Variants in LMNTD2 observed in about 807,000 individuals in gnomAD.
LMNTD2 encodes lamin tail domain-containing protein 2.
LMNTD2 carries 83 observed loss-of-function variants against 70.1 expected under a neutral mutation model. The observed-to-expected ratio is 1.18, with a 90% CI of 0.99 to 1.42. The LOEUF (loss-of-function observed/expected upper bound fraction) is 1.42, where lower values mean the gene tolerates loss of function less well. Among genes scored for constraint, LMNTD2 ranks in the 40% most tolerant of loss-of-function variants. The probability of loss-of-function intolerance (pLI) is 0.00; values close to 1 mark genes in which losing one functional copy is unlikely to be tolerated. For missense variants in LMNTD2, 1,153 were observed against 905.9 expected (o/e 1.27, Z -3.50); for synonymous variants, 534 against 406.1 (o/e 1.31, Z -3.79).
At position 558,847 on chromosome 11, in the gene LMNTD2, C is replaced by T. The variant is rs764393610; in HGVS notation, c.158+9G>A. The T allele has an allele frequency of 5.6e-6, 9 of 1,599,262 alleles. No homozygotes were observed. Among genetic ancestry groups the T allele is most frequent in the South Asian group, 1.1e-5 (1 of 90,648 alleles). On this transcript the variant is annotated intron_variant, in intron 2 of 13. Transcript: ENST00000329451. ...CAGGAGGCTCACCAGTCCTCCCTCT[C>T]CTCCTTACTGCGGGTCGGCAGAGCA...
chr11:555,564 C>G (rs1002404372), intron 12 of LMNTD2, 61 bp from the exon 13 acceptor site: 10 of 1,310,798 alleles, frequency 7.6e-6, no homozygotes, highest in Middle Eastern at 2.8e-4. Flanking sequence ...CTAGAGGGCT[C>G]CGCGCCTGGG....
intron 12 of LMNTD2, 115 bp from the exon 13 acceptor site, chr11:555,618 C>A: frequency 7.9e-7 from 1 of 1,260,324 alleles, no homozygotes; most frequent in Middle Eastern, 2.9e-4. Context: ...CAGGGGGCGG[C>A]CGGGGCGGGG....
rs1488145473 is a variant in LMNTD2 at position 555,006 on chromosome 11, T to A, written c.1879A>T (p.Thr627Ser). Residue 627 changes from threonine to serine, a missense_variant, in exon 14 of 14, where the codon ACC becomes TCC. Coordinates refer to ENST00000329451, the MANE Select transcript of LMNTD2 (RefSeq NM_173573.3). ...GFRFLSCLPV[T>S]ADTCRGA ...TAGGCGCCGCGGCAGGTGTCCGCGG[T>A]GACCGGCAGGCAGCTGAGGAAGCGG... 8 of 1,589,938 alleles carry A rather than the reference T, an allele frequency of 5.0e-6. No homozygotes were observed. The highest frequency in any genetic ancestry group is 6.8e-6 in the Non-Finnish European group (8 of 1,171,874).
chr11:557,310 C>T, intron 7 of LMNTD2, 89 bp downstream of exon 7: 2 of 1,464,226 alleles, frequency 1.4e-6, no homozygotes, highest in African/African-American at 1.4e-5. Flanking sequence ...TCCAGGGACA[C>T]TAAATGGTCC....
At chr11:559,313 C>G (rs2290917) in intron 1 of LMNTD2, 8 of 1,397,594 alleles carry the variant, frequency 5.7e-6, no homozygotes, top group Middle Eastern at 1.9e-4. Context: ...TCTCTCTTGT[C>G]CCCCCAGCTC....
Position 557,000 on chromosome 11 carries a change from G to T in LMNTD2, c.811C>A (p.Pro271Thr), listed in dbSNP as rs780909506. ...CCTGAGCTGCTGGTGTTCAGACAGG[G>T]CAGGGAGCCCCACTCCACGGTCTTG... ...HHKTVEWGSL[P>T]CLNTSSSGGA... Residue 271 changes from proline to threonine, a missense_variant, in exon 8 of 14, where the codon CCC becomes ACC. Transcript: ENST00000329451. The T allele has an allele frequency of 1.6e-5, 26 of 1,608,452 alleles. No homozygotes were observed. The East Asian group carries it at 5.4e-4, about 33-fold the overall frequency.
intron 6 of LMNTD2, 23 bp from the exon 7 acceptor site, chr11:557,510 A>G (rs771634359): frequency 5.0e-5 from 81 of 1,613,212 alleles, no homozygotes; most frequent in Admixed American, 1.5e-4. Flanking sequence ...CAAGAGGCAC[A>G]TGGTCCTCCC....
At position 556,312 on chromosome 11, in the gene LMNTD2, C is replaced by T. The variant is rs1589828599; in HGVS notation, c.1137G>A (p.Pro379=). 6.5e-7 allele frequency: 1 copy of T among 1,535,708 alleles called. No homozygotes were observed. The highest frequency in any genetic ancestry group is 2.4e-5 in the East Asian group (1 of 40,910). ...TCAGGTCGGCCGTGCTCTCCTGCGACGGGTTGAAGATGCGGACGAACTTCT... is the reference window on the plus strand; with the variant it reads ...TCAGGTCGGCCGTGCTCTCCTGCGATGGGTTGAAGATGCGGACGAACTTCT... ...CREKFVRIFN[P]SQESTADLSG... is the part of the protein sequence containing the mutation. The change falls in exon 10 of 14, where the codon CCG becomes CCA. Residue 379 remains proline (P), a synonymous_variant. Transcript: ENST00000329451.
chr11:555,300 C>T lies in LMNTD2; in HGVS notation c.1773+5G>A. 8 of 1,404,982 alleles carry T rather than the reference C, an allele frequency of 5.7e-6. No homozygotes were observed. Among genetic ancestry groups the T allele is most frequent in the Non-Finnish European group, 6.5e-6 (7 of 1,081,914 alleles). The allele number at this position is 1,404,982 out of a possible 1,614,324, so 87.0% of individuals were successfully genotyped here. A position where few individuals can be genotyped will look rare whatever the true frequency, so the allele number is the denominator to read the frequency against. ...GAGGGGGCGCACCCGCAAGCGCGCA[C>T]TCACCCGAACTCGGTGTTCTTTCTG... is the stretch of plus-strand genomic sequence containing the variant. On this transcript the variant is annotated splice_donor_5th_base_variant and intron_variant, in intron 13 of 13. Coordinates refer to ENST00000329451, the MANE Select transcript of LMNTD2 (RefSeq NM_173573.3).
intron 1 of LMNTD2, chr11:559,427 G>A: frequency 7.6e-7 from 1 of 1,307,370 alleles, no homozygotes; most frequent in Non-Finnish European, 1.0e-6. Flanking sequence ...GAAGGGGTGG[G>A]GCTGTTTGTT....
rs1327051281 is a variant in LMNTD2 at position 555,335 on chromosome 11, G to A, written c.1743C>T (p.Asp581=). 2.1e-6 allele frequency: 3 copies of A among 1,425,170 alleles called. No homozygotes were observed. The highest frequency in any genetic ancestry group is 3.0e-5 in the Admixed American group (1 of 33,740). The allele number at this position is 1,425,170 out of a possible 1,614,324, so 88.3% of individuals were successfully genotyped here. The change falls in exon 13 of 14, where the codon GAC becomes GAT. Residue 581 remains aspartate, a synonymous_variant. Transcript: ENST00000329451. ...PPAEAGLGLE[D]CRLQKEHRVR... ...CTCGGTGTTCTTTCTGGAGCCGACA[G>A]TCCTCCAGGCCCAGCCCGGCCTCTG...
Position 559,738 on chromosome 11 carries a change from C to T in LMNTD2, c.35-759G>A, listed in dbSNP as rs952835409. 5.6e-6 allele frequency: 6 copies of T among 1,078,278 alleles called. No individual in the cohort carries two copies. In the African/African-American group the frequency reaches 9.8e-5, roughly 18 times the overall value. The allele number at this position is 1,078,278 out of a possible 1,614,324, so 66.8% of individuals were successfully genotyped here. ...AACGCTAACTGGCAATAGTACACTC[C>T]TGCCCACAGCCTGTTTTTAAATTAA... is the stretch of plus-strand genomic sequence containing the variant. On this transcript the variant is annotated intron_variant, in intron 1 of 13. Coordinates refer to ENST00000329451, the MANE Select transcript of LMNTD2 (RefSeq NM_173573.3).
At position 557,457 on chromosome 11, in the gene LMNTD2, T is replaced by C. The variant is rs1852970207; in HGVS notation, c.655A>G (p.Ser219Gly). Residue 219 changes from serine to glycine, a missense_variant, in exon 7 of 14, where the codon AGC becomes GGC. Ser to Gly is a moderately conservative substitution (Grantham distance 56). Coordinates refer to ENST00000329451, the MANE Select transcript of LMNTD2 (RefSeq NM_173573.3). The stretch of plus-strand genomic sequence containing the variant: ...AGGTTGGGATACCGGCGGGCAACGC[T>C]GTTCCAATCCACGTCCTCCAGCCGA... The part of the protein sequence containing the change: ...GFRLEDVDWN[S>G]VARRYPNLFT... 4 of 1,610,246 alleles carry C rather than the reference T, an allele frequency of 2.5e-6. No individual in the cohort carries two copies. The highest frequency in any genetic ancestry group is 3.4e-6 in the Non-Finnish European group (4 of 1,178,450).
At chr11:559,657 C>T (rs1853153692) in intron 1 of LMNTD2, 1 of 1,175,580 alleles carries the variant, frequency 8.5e-7, no homozygotes, top group African/African-American at 1.6e-5. Flanking sequence ...CCCAGCATAG[C>T]CATGGGTGTG....
Position 560,713 on chromosome 11 carries a change from G to A in LMNTD2, c.4C>T (p.Arg2Trp), listed in dbSNP as rs758138143. 7.7e-6 allele frequency: 11 copies of A among 1,437,700 alleles called. No individual in the cohort carries two copies. The highest frequency in any genetic ancestry group is 7.3e-6 in the Non-Finnish European group (8 of 1,088,566). The allele number at this position is 1,437,700 out of a possible 1,614,324, so 89.1% of individuals were successfully genotyped here. The change falls in exon 1 of 14, where the codon CGG becomes TGG. Residue 2 changes from arginine to tryptophan, a missense_variant. Coordinates refer to ENST00000329451, the MANE Select transcript of LMNTD2 (RefSeq NM_173573.3). M[R>W]WLRPAGRRRE... ...CGCCTGCCCGCGGGCCGCAGCCACC[G>A]CATTTCCGCGTTTTTCGCGGTAGGC...
At chr11:556,138 G>A (rs773022082) in intron 10 of LMNTD2, 23 bp from the exon 11 acceptor site, 1 of 1,342,572 alleles carries the variant, frequency 7.4e-7, no homozygotes, top group South Asian at 2.0e-5. Flanking sequence ...GGAGCGGCGG[G>A]TGAGGGGCGG....
Position 558,670 on chromosome 11 carries a change from G to C in LMNTD2, c.255C>G (p.Gly85=). The C allele has an allele frequency of 6.2e-7, 1 of 1,605,254 alleles. No homozygotes were observed. Among genetic ancestry groups the C allele is most frequent in the Non-Finnish European group, 8.5e-7 (1 of 1,177,194 alleles). Residue 85 remains glycine, a synonymous_variant, in exon 3 of 14, where the codon GGC becomes GGG. Transcript: ENST00000329451. ...IQALRWAIQN[G]EDARLCHILE... ...GGATGTGGCAGAGCCGGGCGTCCTC[G>C]CCATTCTGGATGGCCCACCGCAAGG...
Position 556,309 on chromosome 11 carries a change from C to G in LMNTD2, c.1140G>C (p.Ser380=), listed in dbSNP as rs776452648. 11 of 1,535,544 alleles carry G rather than the reference C, an allele frequency of 7.2e-6. 1 individual carries two copies. In the South Asian group the frequency reaches 1.3e-4, roughly 18 times the overall value. Residue 380 remains serine, a synonymous_variant, in exon 10 of 14, where the codon TCG becomes TCC. Coordinates refer to ENST00000329451, the MANE Select transcript of LMNTD2 (RefSeq NM_173573.3). ...CGCTCAGGTCGGCCGTGCTCTCCTGCGACGGGTTGAAGATGCGGACGAACT... is the reference window on the plus strand; with the variant it reads ...CGCTCAGGTCGGCCGTGCTCTCCTGGGACGGGTTGAAGATGCGGACGAACT... ...REKFVRIFNP[S]QESTADLSGM...
At position 555,002 on chromosome 11, in the gene LMNTD2, G is replaced by A. The variant is rs1327863585; in HGVS notation, c.1883C>T (p.Ala628Val). Reference sequence around the variant, plus strand: ...CCCCTAGGCGCCGCGGCAGGTGTCCGCGGTGACCGGCAGGCAGCTGAGGAA... The same window carrying A: ...CCCCTAGGCGCCGCGGCAGGTGTCCACGGTGACCGGCAGGCAGCTGAGGAA... ...FRFLSCLPVT[A>V]DTCRGA Residue 628 changes from alanine to valine, a missense_variant, in exon 14 of 14, where the codon GCG becomes GTG. Ala to Val is a moderately conservative substitution (Grantham distance 64). Coordinates refer to ENST00000329451, the MANE Select transcript of LMNTD2 (RefSeq NM_173573.3). The A allele has an allele frequency of 1.3e-6, 2 of 1,589,236 alleles. No homozygotes were observed. Among genetic ancestry groups the A allele is most frequent in the South Asian group, 2.3e-5 (2 of 88,356 alleles).
Sources: allele counts gnomAD v4.1 joint callset, GRCh38; gene constraint gnomAD v4.1.1; transcripts MANE v1.5; gene names NCBI Gene and HGNC (gene_info 2026-07-23, HGNC 2026-07-21).